MARCHF1: variants seen among roughly 807,000 people sequenced by gnomAD.
The protein encoded by MARCHF1 is E3 ubiquitin-protein ligase MARCHF1.
Under a neutral mutation model 54.2 loss-of-function variants are expected in MARCHF1, and 40 were observed. The ratio of observed to expected loss-of-function variants is 0.74; its 90% CI spans 0.57 to 0.96. The LOEUF (loss-of-function observed/expected upper bound fraction) is 0.96. Ranked by LOEUF, MARCHF1 falls within the 40% of genes least tolerant of loss-of-function variation. The pLI is 0.00. For synonymous variants in MARCHF1, 236 were observed against 236.3 expected (o/e 1.00, Z 0.01); for missense variants, 586 against 656.5 (o/e 0.89, Z 1.17).
intron 9 of MARCHF1, among the ~76,000 whole-genome samples, chr4:163,536,005 A>T (rs1031470250): frequency 7.2e-5 from 11 of 152,112 alleles, no homozygotes; most frequent in Admixed American, 3.9e-4. Flanking sequence ...TCCAACAAAG[A>T]ATTATTCAGT....
chr4:164,068,399 G>A (rs1009175833), intron 2 of MARCHF1, among the ~76,000 whole-genome samples: 1 of 152,172 alleles, frequency 6.6e-6, no homozygotes, highest in African/African-American at 2.4e-5. Context: ...TGTGGAGGGA[G>A]AGGCATGGGT....
chr4:164,219,683 G>A lies in MARCHF1; in HGVS notation c.-322-108021C>T, dbSNP rs17044756. 5.6e-3 allele frequency among the ~76,000 whole-genome samples: 851 copies of A among 151,800 alleles called. 10 individuals carry two copies. The highest frequency in any genetic ancestry group is 0.02 in the African/African-American group (823 of 41,434). ...AGAGCTGTCAAGCCTGGAAGGGAGC[G>A]ATTTAAAAAGTCCATTCCTCTATAC... On this transcript the variant is annotated intron_variant, in intron 1 of 9. Transcript: ENST00000514618.
rs150954001 is a variant in MARCHF1 at position 164,028,706 on chromosome 4, G to A, written c.-247-39997C>T. Among the ~76,000 whole-genome samples, 413 of 151,984 alleles carry A rather than the reference G, an allele frequency of 2.7e-3. 3 individuals are homozygous for A. Among genetic ancestry groups the A allele is most frequent in the African/African-American group, 9.6e-3 (400 of 41,452 alleles). ...ATATCCATGTAACAAACTTGCACAG[G>A]TACCTCTTGAATCTAAAATAAAAGT... On this transcript the variant is annotated intron_variant, in intron 2 of 9. Transcript: ENST00000514618.
chr4:163,854,959 T>C (rs946033512), intron 3 of MARCHF1, among the ~76,000 whole-genome samples: 2 of 152,166 alleles, frequency 1.3e-5, no homozygotes, highest in Non-Finnish European at 2.9e-5. Flanking sequence ...AGAAATAGTT[T>C]ATTGCAGGTC....
chr4:164,174,785 C>T (rs1730619772), intron 1 of MARCHF1, among the ~76,000 whole-genome samples: 1 of 152,082 alleles, frequency 6.6e-6, no homozygotes, highest in Non-Finnish European at 1.5e-5. Context: ...CTACATAAAC[C>T]TCTTTAAAAA....
At chr4:163,717,600 T>C (rs1745305653) in intron 4 of MARCHF1, among the ~76,000 whole-genome samples, 1 of 152,166 alleles carries the variant, frequency 6.6e-6, no homozygotes, top group Non-Finnish European at 1.5e-5. Flanking sequence ...TGAACTAGTT[T>C]ACAGTCCCAC....
At chr4:164,063,878 T>C (rs958052130) in intron 2 of MARCHF1, among the ~76,000 whole-genome samples, 3 of 152,212 alleles carry the variant, frequency 2.0e-5, no homozygotes, top group Non-Finnish European at 4.4e-5. Flanking sequence ...CTTCTGCATA[T>C]GGCTAGCCAG....
At chr4:163,829,440 A>G (rs746110313) in intron 4 of MARCHF1, among the ~76,000 whole-genome samples, 3 of 152,204 alleles carry the variant, frequency 2.0e-5, no homozygotes, top group Non-Finnish European at 4.4e-5. Context: ...TATCACTAGC[A>G]TATTTATGAC....
At chr4:164,328,314 G>T (rs866395917) in intron 1 of MARCHF1, among the ~76,000 whole-genome samples, 3 of 152,062 alleles carry the variant, frequency 2.0e-5, no homozygotes, top group South Asian at 2.1e-4. Flanking sequence ...TTAGATTTAT[G>T]ATTTTATTTA....
intron 4 of MARCHF1, among the ~76,000 whole-genome samples, chr4:163,842,837 A>G (rs1395719358): frequency 2.0e-5 from 3 of 151,960 alleles, no homozygotes; most frequent in African/African-American, 7.3e-5. Context: ...GGGAATACCC[A>G]TTGTTTTCTG....
intron 5 of MARCHF1, among the ~76,000 whole-genome samples, chr4:163,670,359 GATCTATCT>G (rs34676660): frequency 4.0e-4 from 57 of 143,828 alleles, no homozygotes; most frequent in African/African-American, 1.3e-3. Flanking sequence ...CCTAGAGTAG[GATCTATCT>G]ATCTATCTAT....
intron 1 of MARCHF1, among the ~76,000 whole-genome samples, chr4:164,381,514 C>T (rs570525612): frequency 4.6e-5 from 7 of 152,214 alleles, no homozygotes; most frequent in African/African-American, 1.7e-4. Context: ...TCTCAATATA[C>T]ATTTTTATTT....
intron 1 of MARCHF1, among the ~76,000 whole-genome samples, chr4:164,205,619 G>T (rs1023447949): frequency 6.6e-6 from 1 of 152,200 alleles, no homozygotes; most frequent in African/African-American, 2.4e-5. Context: ...TTTAGTGATA[G>T]TATGAAGATG....
intron 5 of MARCHF1, among the ~76,000 whole-genome samples, chr4:163,684,277 G>A (rs1046842811): frequency 3.3e-5 from 5 of 152,162 alleles, no homozygotes; most frequent in Non-Finnish European, 7.3e-5. Context: ...GTATGTTGGT[G>A]TAGCAAGTAA....
intron 2 of MARCHF1, among the ~76,000 whole-genome samples, chr4:164,033,578 C>CAA (rs539826646): frequency 6.6e-6 from 1 of 151,794 alleles, no homozygotes; most frequent in African/African-American, 2.4e-5. Flanking sequence ...CAAATTTACA[C>CAA]AAAAAAACAA....
At chr4:163,732,921 G>A (rs2111329569) in intron 4 of MARCHF1, among the ~76,000 whole-genome samples, 1 of 151,934 alleles carries the variant, frequency 6.6e-6, no homozygotes, top group South Asian at 2.1e-4. Context: ...GGATGCCGAG[G>A]TGGGTGGATC....
intron 3 of MARCHF1, among the ~76,000 whole-genome samples, chr4:163,966,952 G>C (rs1752454389): frequency 6.6e-6 from 1 of 152,110 alleles, no homozygotes; most frequent in Non-Finnish European, 1.5e-5. Context: ...TTTTACAGCT[G>C]AGTTCCCTTT....
chr4:163,871,544 A>T (rs1750168902), intron 3 of MARCHF1, among the ~76,000 whole-genome samples: 1 of 152,194 alleles, frequency 6.6e-6, no homozygotes, highest in African/African-American at 2.4e-5. Context: ...TCATAATAAA[A>T]AGCATAGAAA....
At chr4:163,849,830 C>T (rs1749594652) in intron 4 of MARCHF1, among the ~76,000 whole-genome samples, 1 of 152,050 alleles carries the variant, frequency 6.6e-6, no homozygotes, top group Non-Finnish European at 1.5e-5. Context: ...AAAAGCAAAC[C>T]TTTATCATGT....
Sources: gnomAD v4.1 joint callset for allele counts (sites outside exome capture counted in the v4.1 genomes callset) on GRCh38, gnomAD v4.1.1 for gene constraint, MANE v1.5 for transcripts, NCBI Gene and HGNC (gene_info 2026-07-23, HGNC 2026-07-21) for gene names.